The following RNF111 variants were observed in gnomAD, a reference collection of about 807,000 sequenced individuals.
RNF111 encodes the protein ring finger protein 111.
Under a neutral mutation model 95.1 loss-of-function variants are expected in RNF111, and 17 were observed. That is an observed-to-expected ratio of 0.18 (90% CI 0.12 to 0.27). The LOEUF is 0.27. RNF111 is among the 10% of genes least tolerant of loss of function. RNF111 has a pLI of 1.00. For missense variants in RNF111, 1,189 were observed against 1,210.4 expected (o/e 0.98, Z 0.26); for synonymous variants, 440 against 414.8 (o/e 1.06, Z -0.74).
intron 2 of RNF111, among the ~76,000 whole-genome samples, chr15:59,051,383 A>T (rs2041973375): frequency 6.6e-6 from 1 of 151,128 alleles, no homozygotes; most frequent in South Asian, 2.1e-4. Flanking sequence ...GTGTGAACCC[A>T]GGAGGCGGAG....
chr15:59,095,109 G>C lies in RNF111; in HGVS notation c.*209G>C. The C allele has an allele frequency of 2.2e-6, 1 of 462,726 alleles. No homozygotes were observed. Among genetic ancestry groups the C allele is most frequent in the Non-Finnish European group, 3.8e-6 (1 of 261,956 alleles). The allele number at this position is 462,726 out of a possible 1,614,324, so 28.7% of individuals were successfully genotyped here. On this transcript the variant is annotated 3_prime_UTR_variant, in exon 14 of 14. Coordinates refer to ENST00000348370, the MANE Select transcript of RNF111 (RefSeq NM_017610.8). ...TATAAAAGCTTTTTTTTCTAGATTT[G>C]ACATTTTTCTGTATCATTTTACTGT...
At chr15:59,056,198 A>G (rs1566917054) in intron 4 of RNF111, among the ~76,000 whole-genome samples, 5 of 152,258 alleles carry the variant, frequency 3.3e-5, no homozygotes, top group Admixed American at 2.6e-4. Flanking sequence ...CAAAAGCAGT[A>G]TAACTGAATT....
At chr15:59,037,169 AAT>A (rs1285151186) in intron 2 of RNF111, among the ~76,000 whole-genome samples, 2 of 152,082 alleles carry the variant, frequency 1.3e-5, no homozygotes, top group Non-Finnish European at 2.9e-5. Flanking sequence ...ATTTCTGGAA[AAT>A]ATTTGCTTCT....
chr15:59,018,291 A>C (rs1187279625), intron 1 of RNF111, among the ~76,000 whole-genome samples: 2 of 152,180 alleles, frequency 1.3e-5, no homozygotes, highest in Non-Finnish European at 2.9e-5. Flanking sequence ...GCTAACGGTC[A>C]CTGCCATTTC....
chr15:58,991,316 C>T (rs2038806794), intron 1 of RNF111, among the ~76,000 whole-genome samples: 1 of 152,116 alleles, frequency 6.6e-6, no homozygotes, highest in South Asian at 2.1e-4. Flanking sequence ...ACAAAAAAGC[C>T]TCCAAATACT....
rs2042291555 is a variant in RNF111, at chr15:59,058,459, T to C, written c.1275T>C (p.Thr425=). 1 of 1,614,166 alleles carries C rather than the reference T, an allele frequency of 6.2e-7. No homozygotes were observed. The highest frequency in any genetic ancestry group is 8.5e-7 in the Non-Finnish European group (1 of 1,179,994). Residue 425 remains threonine (T), a synonymous_variant, in exon 5 of 14, where the codon ACT becomes ACC. Transcript: ENST00000348370. The part of the protein sequence containing the change: ...NPSTSEQASD[T]ASAVTSSQPS... Reference sequence around the variant, plus strand: ...CTACCTCTGAGCAGGCCTCTGATACTGCTTCAGCTGTCACCAGTAGCCAAC... The same window carrying C: ...CTACCTCTGAGCAGGCCTCTGATACCGCTTCAGCTGTCACCAGTAGCCAAC...
intron 2 of RNF111, among the ~76,000 whole-genome samples, chr15:59,041,111 T>C (rs1198416449): frequency 6.6e-6 from 1 of 152,226 alleles, no homozygotes; most frequent in African/African-American, 2.4e-5. Context: ...AATGAAAGTA[T>C]ATATCTCCGT....
chr15:59,087,728 G>A (rs1049416738), intron 10 of RNF111, among the ~76,000 whole-genome samples: 6 of 152,164 alleles, frequency 3.9e-5, no homozygotes, highest in Admixed American at 1.3e-4. Context: ...TCATCTTGCT[G>A]TCTCTGGGGT....
intron 5 of RNF111, among the ~76,000 whole-genome samples, chr15:59,065,051 G>T (rs560612835): frequency 1.3e-5 from 2 of 152,064 alleles, no homozygotes; most frequent in South Asian, 4.1e-4. Flanking sequence ...GAAGAGATTA[G>T]CTAGGTACTT....
intron 2 of RNF111, among the ~76,000 whole-genome samples, chr15:59,042,448 A>G (rs761791269): frequency 4.6e-5 from 7 of 152,076 alleles, no homozygotes; most frequent in Admixed American, 1.3e-4. Flanking sequence ...CACAAGTCAT[A>G]TTTATCAACT....
At chr15:59,061,570 A>T (rs894569471) in intron 5 of RNF111, among the ~76,000 whole-genome samples, 1 of 152,204 alleles carries the variant, frequency 6.6e-6, no homozygotes, top group Non-Finnish European at 1.5e-5. Flanking sequence ...AACTCCTGCA[A>T]CTTCCAATGC....
chr15:59,024,113 C>G (rs2040483246), intron 1 of RNF111, among the ~76,000 whole-genome samples: 1 of 152,002 alleles, frequency 6.6e-6, no homozygotes, highest in Non-Finnish European at 1.5e-5. Flanking sequence ...TACAGAATAC[C>G]TGAAGAAGGA....
chr15:59,018,707 A>G (rs917460865), intron 1 of RNF111, among the ~76,000 whole-genome samples: 3 of 152,222 alleles, frequency 2.0e-5, no homozygotes, highest in Admixed American at 1.3e-4. Context: ...GAAGAATCCT[A>G]TAATAGCAGA....
chr15:59,086,287 T>G (rs1289739777), intron 10 of RNF111, among the ~76,000 whole-genome samples: 15 of 151,988 alleles, frequency 9.9e-5, no homozygotes, highest in African/African-American at 3.4e-4. Flanking sequence ...GCCTGGCTAA[T>G]TTTTGTATTT....
At chr15:59,004,221 A>G in intron 1 of RNF111, 1 of 663,548 alleles carries the variant, frequency 1.5e-6, no homozygotes, top group Non-Finnish European at 2.1e-6. Context: ...GCTTCAATTT[A>G]AAATACTCCT....
intron 13 of RNF111, chr15:59,093,337 CTTTTTT>C: frequency 9.9e-5 from 27 of 271,810 alleles, no homozygotes; most frequent in South Asian, 1.5e-4. Context: ...TTTACAGCAT[CTTTTTT>C]TTTTTTTTTT....
intron 5 of RNF111, among the ~76,000 whole-genome samples, chr15:59,060,538 G>A (rs1401949434): frequency 6.6e-6 from 1 of 152,144 alleles, no homozygotes; most frequent in African/African-American, 2.4e-5. Flanking sequence ...CAGAGACTGA[G>A]TCAGGAGAAT....
intron 2 of RNF111, 31 bp from the exon 3 acceptor site, chr15:59,052,274 G>T (rs948168590): frequency 6.6e-7 from 1 of 1,518,068 alleles, no homozygotes; most frequent in Non-Finnish European, 8.8e-7. Context: ...ACAGGAAGAT[G>T]CCTTTAAATG....
At chr15:58,997,238 A>T (rs188546238) in intron 1 of RNF111, among the ~76,000 whole-genome samples, 2 of 152,110 alleles carry the variant, frequency 1.3e-5, no homozygotes, top group African/African-American at 4.8e-5. Flanking sequence ...TTCCTCCTGT[A>T]TTTTATATGT....
Sources: gnomAD v4.1 joint callset for allele counts (sites outside exome capture counted in the v4.1 genomes callset) on GRCh38, gnomAD v4.1.1 for gene constraint, MANE v1.5 for transcripts, NCBI Gene and HGNC (gene_info 2026-07-23, HGNC 2026-07-21) for gene names.